FKBP1B: variants seen among roughly 807,000 people sequenced by gnomAD.
FKBP1B encodes peptidyl-prolyl cis-trans isomerase FKBP1B.
Under a neutral mutation model 13.5 loss-of-function variants are expected in FKBP1B, and 4 were observed. The ratio of observed to expected loss-of-function variants is 0.30; its 90% CI spans 0.15 to 0.68. The LOEUF (loss-of-function observed/expected upper bound fraction) is 0.68. FKBP1B is among the 30% of genes least tolerant of loss of function. The pLI is 0.76. For synonymous variants in FKBP1B, 54 were observed against 53.6 expected (o/e 1.01, Z -0.03); for missense variants, 93 against 136.2 (o/e 0.68, Z 1.58).
chr2:24,054,430 C>T (rs1339987787), intron 2 of FKBP1B: 1 of 225,348 alleles, frequency 4.4e-6, no homozygotes, highest in Non-Finnish European at 9.8e-6. Flanking sequence ...ACTGAGGGAG[C>T]CCAGAGCGGG....
chr2:24,057,717 A>G lies in FKBP1B; in HGVS notation c.86-3097A>G, dbSNP rs141110006. ...TTTCTGTAGAGAGGAAGGTCTCCCT[A>G]TGTTGCCCAGGATGGTCTCAAACTC... On this transcript the variant is annotated intron_variant, in intron 2 of 3. Coordinates refer to ENST00000380986, the MANE Select transcript of FKBP1B (RefSeq NM_004116.5). Among the ~76,000 whole-genome samples, 861 of 151,646 alleles carry G rather than the reference A, an allele frequency of 5.7e-3. 5 individuals are homozygous for G. The highest frequency in any genetic ancestry group is 0.019 in the African/African-American group (803 of 41,378).
At chr2:24,039,246 C>A in the FKBP1B span, 1 of 1,614,246 alleles carries the variant, frequency 6.2e-7, no homozygotes, top group Non-Finnish European at 8.5e-7. Flanking sequence ...CAGTGACATG[C>A]TTCTCATGCT....
chr2:24,034,587 T>TC, the FKBP1B span, among the ~76,000 whole-genome samples: 16 of 151,148 alleles, frequency 1.1e-4, no homozygotes, highest in Middle Eastern at 3.2e-3. Context: ...TTTTTTTTTT[T>TC]TTTTGAGACA....
chr2:24,059,924 A>G (rs1371118348), intron 2 of FKBP1B, among the ~76,000 whole-genome samples: 2 of 149,678 alleles, frequency 1.3e-5, no homozygotes, highest in Admixed American at 6.7e-5. Context: ...AAAAAGTTGA[A>G]AAGTGCAGAG....
chr2:24,041,730 G>A, the FKBP1B span, among the ~76,000 whole-genome samples: 1 of 151,878 alleles, frequency 6.6e-6, no homozygotes, highest in Non-Finnish European at 1.5e-5. Flanking sequence ...GCAGGTGCCT[G>A]TAATCCCAGC....
chr2:24,039,577 T>TTA, the FKBP1B span: 1 of 1,462,140 alleles, frequency 6.8e-7, no homozygotes, highest in Admixed American at 1.9e-5. Context: ...TGTAGGACAT[T>TTA]TGGTAAGACA....
rs751606114 is a variant in FKBP1B, at chr2:24,050,368, G to A, written c.37+482G>A. On this transcript the variant is annotated intron_variant, in intron 1 of 3. Coordinates refer to ENST00000380986, the MANE Select transcript of FKBP1B (RefSeq NM_004116.5). This position sits in a 1 kb window ranked among gnomAD's most constrained non-coding sequence, Gnocchi z 5.8. ...CCTGCGGGCCGGGCTGTGAGCGGCT[G>A]TGGGGACAGACCCAGGCTGGGGAAG... 1.3e-4 allele frequency among the ~76,000 whole-genome samples: 20 copies of A among 152,202 alleles called. No homozygotes were observed. The highest frequency in any genetic ancestry group is 2.4e-4 in the Non-Finnish European group (16 of 68,026).
chr2:24,038,301 T>C, the FKBP1B span: 23 of 1,614,072 alleles, frequency 1.4e-5, no homozygotes, highest in Non-Finnish European at 1.9e-5. Context: ...AAATTAGTAA[T>C]AGTTGGTCTG....
At chr2:24,035,797 G>A in the FKBP1B span, among the ~76,000 whole-genome samples, 3 of 151,650 alleles carry the variant, frequency 2.0e-5, no homozygotes, top group Admixed American at 6.6e-5. Context: ...TAGGCCGGGC[G>A]CAGTGGCTTA....
the FKBP1B span, chr2:24,039,622 G>C: frequency 2.3e-6 from 2 of 881,864 alleles, no homozygotes; most frequent in Non-Finnish European, 3.4e-6. Context: ...ATAATGTGGA[G>C]AGACAAAAGG....
chr2:24,057,962 C>G (rs554472719), intron 2 of FKBP1B, among the ~76,000 whole-genome samples: 1 of 152,024 alleles, frequency 6.6e-6, no homozygotes, highest in South Asian at 2.1e-4. Flanking sequence ...TTTGGGAGGC[C>G]AAGGCAGGTG....
At chr2:24,047,006 T>C (rs1388053507), upstream of FKBP1B, among the ~76,000 whole-genome samples, 1 of 152,152 alleles carries the variant, frequency 6.6e-6, no homozygotes, top group Non-Finnish European at 1.5e-5. Context: ...CGCTACCCGC[T>C]ATAAATAAAG....
the FKBP1B span, among the ~76,000 whole-genome samples, chr2:24,043,707 T>C: frequency 5.3e-5 from 8 of 152,224 alleles, no homozygotes; most frequent in Non-Finnish European, 1.2e-4. Context: ...TGTCACTGAA[T>C]CTAAATGACA....
At chr2:24,053,740 T>C (rs1663986020) in intron 1 of FKBP1B, among the ~76,000 whole-genome samples, 162 bp from the exon 2 acceptor site, 1 of 152,174 alleles carries the variant, frequency 6.6e-6, no homozygotes, top group South Asian at 2.1e-4. Flanking sequence ...GTGACGTGAT[T>C]CATTCTGGCT....
the FKBP1B span, among the ~76,000 whole-genome samples, chr2:24,035,100 G>A: frequency 6.6e-6 from 1 of 151,372 alleles, no homozygotes. Context: ...AGCTATATCT[G>A]TGATTTTCTC....
chr2:24,042,429 G>A, the FKBP1B span, among the ~76,000 whole-genome samples: 13 of 151,696 alleles, frequency 8.6e-5, no homozygotes, highest in East Asian at 1.2e-3. Flanking sequence ...CCAGCTACTC[G>A]GAAGGCTGAG....
chr2:24,061,801 G>A (rs1347671720), intron 3 of FKBP1B, among the ~76,000 whole-genome samples: 1 of 152,148 alleles, frequency 6.6e-6, no homozygotes, highest in Non-Finnish European at 1.5e-5. Context: ...GCTGTGATGA[G>A]CCCTGGTTCA....
chr2:24,047,106 G>A (rs981934173), upstream of FKBP1B, among the ~76,000 whole-genome samples: 1 of 151,930 alleles, frequency 6.6e-6, no homozygotes, highest in Non-Finnish European at 1.5e-5. Flanking sequence ...CACGAGTCAC[G>A]GTCATAATCC....
intron 2 of FKBP1B, among the ~76,000 whole-genome samples, chr2:24,057,484 C>T (rs1664183222): frequency 6.6e-6 from 1 of 152,182 alleles, no homozygotes; most frequent in African/African-American, 2.4e-5. Context: ...AGCAATTCTC[C>T]TGCCTCAGTC....
Sources: allele counts gnomAD v4.1 joint callset (sites outside exome capture counted in the v4.1 genomes callset), GRCh38; gene constraint gnomAD v4.1.1; non-coding constraint Gnocchi (gnomAD v3.1); transcripts MANE v1.5; gene names NCBI Gene and HGNC (gene_info 2026-07-23, HGNC 2026-07-21).